Variants in USH2A observed in about 807,000 individuals in gnomAD.
USH2A encodes the protein usherin, also known as Usher syndrome 2A (autosomal recessive, mild).
USH2A carries 443 observed loss-of-function variants against 538.9 expected under a neutral mutation model. The observed-to-expected ratio is 0.82, with a 90% CI of 0.76 to 0.89. The LOEUF is 0.89. Ranked by LOEUF, USH2A falls within the 40% of genes least tolerant of loss-of-function variation. The probability of loss-of-function intolerance (pLI) is 0.00; values close to 1 mark genes in which losing one functional copy is unlikely to be tolerated. For synonymous variants in USH2A, 2,413 were observed against 2,273.5 expected (o/e 1.06, Z -1.75); for missense variants, 6,633 against 6,324.8 (o/e 1.05, Z -1.65).
At chr1:216,087,629 CTT>C (rs908240062) in intron 23 of USH2A, among the ~76,000 whole-genome samples, 22 of 152,106 alleles carry the variant, frequency 1.4e-4, no homozygotes, top group Non-Finnish European at 2.6e-4. Context: ...TCCAATAAAA[CTT>C]TATAAAAACA....
intron 36 of USH2A, among the ~76,000 whole-genome samples, chr1:215,968,102 G>A (rs1300331989): frequency 6.6e-6 from 1 of 152,110 alleles, no homozygotes; most frequent in Non-Finnish European, 1.5e-5. Context: ...ACAATTGAAA[G>A]CAAGGAAAGC....
chr1:216,305,487 G>A (rs12561786), intron 9 of USH2A, among the ~76,000 whole-genome samples: 40,108 of 151,870 alleles, frequency 0.26, 5,453 homozygotes, highest in Middle Eastern at 0.36. Context: ...TCTTTTAAGT[G>A]GTGCATTTAG....
intron 37 of USH2A, among the ~76,000 whole-genome samples, chr1:215,964,930 CTT>C (rs1315019790): frequency 6.6e-6 from 1 of 152,140 alleles, no homozygotes; most frequent in Non-Finnish European, 1.5e-5. Context: ...TAGTTCAACT[CTT>C]TGCATACACG....
intron 22 of USH2A, among the ~76,000 whole-genome samples, chr1:216,090,231 T>C (rs1000957160): frequency 6.6e-6 from 1 of 151,964 alleles, no homozygotes; most frequent in Non-Finnish European, 1.5e-5. Context: ...TAGATAATTG[T>C]TTGATGTAAT....
At chr1:216,378,547 G>A (rs2038876839) in intron 3 of USH2A, among the ~76,000 whole-genome samples, 1 of 152,146 alleles carries the variant, frequency 6.6e-6, no homozygotes, top group South Asian at 2.1e-4. Flanking sequence ...TCAGATCTCA[G>A]TTTACATATT....
rs144901652 is a variant in USH2A, at chr1:216,329,499, A to G, written c.785-1845T>C. On this transcript the variant is annotated intron_variant, in intron 4 of 71. Transcript: ENST00000307340. ...ACTCCTCATAGCATAAATTTTATTT[A>G]TGAGGTAAGAGATAATGTTGTCAAG... Among the ~76,000 whole-genome samples the G allele has an allele frequency of 5.2e-3, 798 of 152,272 alleles. 3 individuals are homozygous for G. The highest frequency in any genetic ancestry group is 6.2e-3 in the Non-Finnish European group (422 of 68,016).
intron 37 of USH2A, 96 bp from the exon 38 acceptor site, chr1:215,934,891 C>A: frequency 8.6e-7 from 1 of 1,164,348 alleles, no homozygotes; most frequent in African/African-American, 1.6e-5. Flanking sequence ...ATATACTGTA[C>A]CAAATAGGTC....
chr1:215,658,899 A>G (rs772214221), intron 64 of USH2A, among the ~76,000 whole-genome samples: 3 of 152,252 alleles, frequency 2.0e-5, no homozygotes, highest in Non-Finnish European at 4.4e-5. Context: ...AGTTGCTAGA[A>G]GAAGCTAAGA....
chr1:215,652,021 C>T (rs1335834627), intron 64 of USH2A, among the ~76,000 whole-genome samples: 1 of 152,246 alleles, frequency 6.6e-6, no homozygotes, highest in Non-Finnish European at 1.5e-5. Flanking sequence ...CATAGATACA[C>T]CTGCTCTTTT....
rs535529355 is a variant in USH2A at position 216,036,263 on chromosome 1, A to G, written c.6325+10168T>C. Among the ~76,000 whole-genome samples the G allele has an allele frequency of 5.3e-5, 8 of 152,232 alleles. No homozygotes were observed. The South Asian group carries it at 1.0e-3, about 20-fold the overall frequency. On this transcript the variant is annotated intron_variant, in intron 32 of 71. Coordinates refer to ENST00000307340, the MANE Select transcript of USH2A (RefSeq NM_206933.4). ...TTTTATCACATATATTAAAATTGGG[A>G]ATAACATTACAAAAAGAATCTGACT... is the stretch of plus-strand genomic sequence containing the variant.
intron 18 of USH2A, among the ~76,000 whole-genome samples, chr1:216,197,002 GGATA>G: frequency 6.6e-6 from 1 of 152,186 alleles, no homozygotes; most frequent in Admixed American, 6.5e-5. Context: ...ATAGGAAAGT[GGATA>G]GATAGGAAAT....
At chr1:216,281,694 A>T (rs2036779350) in intron 11 of USH2A, among the ~76,000 whole-genome samples, 1 of 152,144 alleles carries the variant, frequency 6.6e-6, no homozygotes, top group Non-Finnish European at 1.5e-5. Flanking sequence ...TTATGAGGAT[A>T]TATGATACAT....
intron 32 of USH2A, among the ~76,000 whole-genome samples, chr1:216,032,819 G>A (rs1196632755): frequency 6.6e-6 from 1 of 152,076 alleles, no homozygotes; most frequent in Non-Finnish European, 1.5e-5. Context: ...AGGGACCTTG[G>A]CCTTACCACT....
At chr1:215,680,444 C>T (rs1419983412) in intron 61 of USH2A, 68 bp from the exon 62 acceptor site, 2 of 1,520,226 alleles carry the variant, frequency 1.3e-6, no homozygotes, top group African/African-American at 1.4e-5. Flanking sequence ...GCTGGAAAGT[C>T]ATTCTCTGAA....
chr1:216,075,352 C>T (rs1343839261), intron 27 of USH2A, among the ~76,000 whole-genome samples: 1 of 152,096 alleles, frequency 6.6e-6, no homozygotes, highest in Non-Finnish European at 1.5e-5. Flanking sequence ...CTCCCCAGAC[C>T]TAAAACATTT....
chr1:215,847,527 C>T (rs920922159), intron 44 of USH2A, among the ~76,000 whole-genome samples: 1 of 151,926 alleles, frequency 6.6e-6, no homozygotes, highest in African/African-American at 2.4e-5. Context: ...CACCTGTAGT[C>T]CCAGCTACTC....
At chr1:215,745,789 G>A (rs1391496529) in intron 58 of USH2A, among the ~76,000 whole-genome samples, 5 of 152,134 alleles carry the variant, frequency 3.3e-5, no homozygotes, top group Non-Finnish European at 7.4e-5. Flanking sequence ...TGGAGTCTTA[G>A]AGTAGGACAA....
At chr1:215,969,788 T>C (rs182163887) in intron 36 of USH2A, among the ~76,000 whole-genome samples, 48 of 152,286 alleles carry the variant, frequency 3.2e-4, no homozygotes, top group African/African-American at 1.2e-3. Context: ...TCCAAGGTAA[T>C]ATTTATATAA....
chr1:215,900,250 T>A, intron 39 of USH2A, 33 bp from the exon 40 acceptor site: 1 of 1,611,644 alleles, frequency 6.2e-7, no homozygotes, highest in Non-Finnish European at 8.5e-7. Flanking sequence ...TTAGGAAGTT[T>A]TCGACATTCA....
Sources: allele counts gnomAD v4.1 joint callset (sites outside exome capture counted in the v4.1 genomes callset), GRCh38; gene constraint gnomAD v4.1.1; transcripts MANE v1.5; gene names NCBI Gene and HGNC (gene_info 2026-07-23, HGNC 2026-07-21).